The following CSNK1G1 variants were observed in gnomAD, a reference collection of about 807,000 sequenced individuals.
CSNK1G1 encodes casein kinase 1 gamma 1.
In CSNK1G1, 22 loss-of-function variants were observed where a neutral mutation model predicts 59.6. The observed-to-expected ratio is 0.37, with a 90% CI of 0.26 to 0.53. CSNK1G1 has a LOEUF of 0.53. CSNK1G1 is among the 20% of genes least tolerant of loss of function. The probability of loss-of-function intolerance (pLI) is 0.89; values close to 1 mark genes in which losing one functional copy is unlikely to be tolerated. For missense variants in CSNK1G1, 384 were observed against 519.5 expected (o/e 0.74, Z 2.54); for synonymous variants, 179 against 177.1 (o/e 1.01, Z -0.08).
At chr15:64,205,585 G>A (rs1272762173) in intron 7 of CSNK1G1, among the ~76,000 whole-genome samples, 2 of 152,164 alleles carry the variant, frequency 1.3e-5, no homozygotes, top group African/African-American at 4.8e-5. Context: ...TGGGCTCCTA[G>A]GGAATTCTTG....
At chr15:64,303,864 G>A (rs1425959842) in intron 1 of CSNK1G1, among the ~76,000 whole-genome samples, 2 of 148,248 alleles carry the variant, frequency 1.3e-5, no homozygotes, top group African/African-American at 2.5e-5. Context: ...AGGACGCAGT[G>A]AGCCATGATC....
chr15:64,338,639 G>A (rs1418898215), intron 1 of CSNK1G1, among the ~76,000 whole-genome samples: 2 of 141,704 alleles, frequency 1.4e-5, no homozygotes, highest in Non-Finnish European at 3.0e-5. Flanking sequence ...GGTGCAGGTT[G>A]TGGTGAGCTG....
intron 1 of CSNK1G1, among the ~76,000 whole-genome samples, chr15:64,326,469 C>T (rs867449605): frequency 4.6e-5 from 7 of 152,208 alleles, no homozygotes; most frequent in African/African-American, 1.4e-4. Context: ...CATGGTGAAA[C>T]TCCGTCTCTA....
intron 4 of CSNK1G1, among the ~76,000 whole-genome samples, chr15:64,238,518 A>AATATATATATATATATATATATAT (rs1212005568): frequency 1.6e-4 from 8 of 49,246 alleles, no homozygotes; most frequent in South Asian, 1.6e-3. Flanking sequence ...AAAAAAAAAA[A>AATATATATATATATATATATATAT]ATATATATAT....
At chr15:64,310,896 T>C (rs1396207234) in intron 1 of CSNK1G1, among the ~76,000 whole-genome samples, 5 of 149,912 alleles carry the variant, frequency 3.3e-5, no homozygotes, top group Non-Finnish European at 7.4e-5. Flanking sequence ...TCCCAGCTAC[T>C]CGGGAAGCCG....
At chr15:64,334,174 G>A (rs1307805311) in intron 1 of CSNK1G1, among the ~76,000 whole-genome samples, 2 of 152,092 alleles carry the variant, frequency 1.3e-5, no homozygotes, top group Non-Finnish European at 2.9e-5. Flanking sequence ...TGACCACCAC[G>A]CCCAGCTAAT....
intron 10 of CSNK1G1, among the ~76,000 whole-genome samples, chr15:64,182,318 C>G (rs1567358941): frequency 6.6e-6 from 1 of 152,108 alleles, no homozygotes; most frequent in South Asian, 2.1e-4. Context: ...GGTTGTCCAC[C>G]TGCCTTGGCT....
intron 4 of CSNK1G1, among the ~76,000 whole-genome samples, chr15:64,234,137 T>G (rs908237753): frequency 2.0e-5 from 3 of 152,168 alleles, no homozygotes; most frequent in African/African-American, 7.2e-5. Flanking sequence ...AGGCACACTT[T>G]TATATTTAAG....
chr15:64,268,653 TTC>T (rs1893112079), intron 2 of CSNK1G1, among the ~76,000 whole-genome samples: 1 of 152,122 alleles, frequency 6.6e-6, no homozygotes, highest in Admixed American at 6.6e-5. Flanking sequence ...TCATTTTTTA[TTC>T]TTTTTATTTC....
chr15:64,169,130 T>TTGTG lies in CSNK1G1; in HGVS notation c.*2797_*2800dup, dbSNP rs556931821. 2.0e-5 allele frequency: 3 copies of TTGTG among 151,388 alleles called. No homozygotes were observed. Among genetic ancestry groups the TTGTG allele is most frequent in the African/African-American group, 4.9e-5 (2 of 41,140 alleles). The allele number at this position is 151,388 out of a possible 1,614,324, so 9.4% of individuals were successfully genotyped here. ...GCCAAGCTGGTCAGTGCCTTTGCTT[T>TTGTG]TGTGTGTGTGTGTGTGGAAGCAGGG... On this transcript the variant is annotated 3_prime_UTR_variant, in exon 12 of 12. Coordinates refer to ENST00000303052, the MANE Select transcript of CSNK1G1 (RefSeq NM_022048.5).
intron 10 of CSNK1G1, among the ~76,000 whole-genome samples, chr15:64,192,650 G>A (rs2081987002): frequency 6.6e-6 from 1 of 151,720 alleles, no homozygotes; most frequent in Non-Finnish European, 1.5e-5. Flanking sequence ...CCTAAGGTCA[G>A]GAATTCAAGA....
chr15:64,287,882 T>G (rs1021116659), intron 2 of CSNK1G1, among the ~76,000 whole-genome samples: 1 of 152,174 alleles, frequency 6.6e-6, no homozygotes, highest in Non-Finnish European at 1.5e-5. Context: ...GCTCTATTTA[T>G]TTCCAAAACC....
intron 10 of CSNK1G1, among the ~76,000 whole-genome samples, chr15:64,195,980 C>T (rs993684265): frequency 1.4e-4 from 21 of 152,068 alleles, no homozygotes; most frequent in African/African-American, 4.1e-4. Flanking sequence ...TTGTAATCCC[C>T]GTTACTTGGG....
intron 2 of CSNK1G1, among the ~76,000 whole-genome samples, chr15:64,287,433 T>G (rs1775926834): frequency 6.6e-6 from 1 of 152,158 alleles, no homozygotes; most frequent in Non-Finnish European, 1.5e-5. Flanking sequence ...AGTTGTCAAA[T>G]CTAAAATTGT....
intron 3 of CSNK1G1, among the ~76,000 whole-genome samples, chr15:64,252,121 AAT>A (rs1048917679): frequency 3.3e-5 from 5 of 151,200 alleles, no homozygotes; most frequent in African/African-American, 1.2e-4. Context: ...TATATGTATT[AAT>A]ATATATAATA....
At position 64,204,897 on chromosome 15, in the gene CSNK1G1, G is replaced by A. The variant is rs778243188; in HGVS notation, c.818C>T (p.Thr273Ile). The A allele has an allele frequency of 6.2e-7, 1 of 1,611,626 alleles. No individual in the cohort carries two copies. The highest frequency in any genetic ancestry group is 1.3e-5 in the African/African-American group (1 of 74,960). The change falls in exon 8 of 12, where the codon ACT becomes ATT. Residue 273 changes from threonine (T) to isoleucine (I), a missense_variant. This residue lies in a region of CSNK1G1 where 325 missense variants were observed against 440.9 expected (regional missense o/e 0.74). Transcript: ENST00000303052. ...YQKIGDTKRN[T>I]PIEALCENFP... ...GTTCTCACAGAGAGCTTCAATGGGA[G>A]TATTCCTTTTGGTGTCACCAATTTT...
At chr15:64,270,038 C>T (rs563231779) in intron 2 of CSNK1G1, among the ~76,000 whole-genome samples, 73 of 152,084 alleles carry the variant, frequency 4.8e-4, no homozygotes, top group African/African-American at 1.6e-3. Flanking sequence ...AACTCCTGAC[C>T]CTCAAGTGAT....
chr15:64,198,442 G>T (rs1192521459), intron 10 of CSNK1G1, among the ~76,000 whole-genome samples: 1 of 151,878 alleles, frequency 6.6e-6, no homozygotes, highest in African/African-American at 2.4e-5. Context: ...CTGGCCTCAA[G>T]TTATCCACCC....
intron 3 of CSNK1G1, among the ~76,000 whole-genome samples, chr15:64,257,941 T>TG: frequency 6.6e-6 from 1 of 152,286 alleles, no homozygotes; most frequent in Non-Finnish European, 1.5e-5. Flanking sequence ...CAAAAATACT[T>TG]GGTTTCCTAG....
Sources: allele counts gnomAD v4.1 joint callset (sites outside exome capture counted in the v4.1 genomes callset), GRCh38; gene constraint gnomAD v4.1.1; regional missense constraint gnomAD v4.1.1; transcripts MANE v1.5; gene names NCBI Gene and HGNC (gene_info 2026-07-23, HGNC 2026-07-21).